Variants in DYNC1I1 observed in about 807,000 individuals in gnomAD.
The protein encoded by DYNC1I1 is cytoplasmic dynein 1 intermediate chain 1.
Under a neutral mutation model 86.6 loss-of-function variants are expected in DYNC1I1, and 43 were observed. That is an observed-to-expected ratio of 0.50 (90% CI 0.39 to 0.64). The LOEUF (loss-of-function observed/expected upper bound fraction) is 0.64, where lower values mean the gene tolerates loss of function less well. Among genes scored for constraint, DYNC1I1 ranks in the 30% least tolerant of loss-of-function variants. The pLI, the probability that DYNC1I1 is intolerant of heterozygous loss-of-function variation, is 0.00. For synonymous variants in DYNC1I1, 262 were observed against 283.7 expected, an observed-to-expected ratio of 0.92 and a Z score of 0.77; for missense variants, 604 against 788.8, an observed-to-expected ratio of 0.77 and a Z score of 2.81.
At chr7:95,900,221 T>C (rs75771231) in intron 6 of DYNC1I1, among the ~76,000 whole-genome samples, 15,638 of 152,184 alleles carry the variant, frequency 0.1, 1,379 homozygotes, top group African/African-American at 0.24. Context: ...CCTAGCTGTA[T>C]TCTCTTCAAA....
At chr7:96,061,126 A>G (rs1314748900) in intron 14 of DYNC1I1, among the ~76,000 whole-genome samples, 1 of 152,186 alleles carries the variant, frequency 6.6e-6, no homozygotes, top group Non-Finnish European at 1.5e-5. Context: ...GGAGACCAGA[A>G]TGCGTTCAGT....
intron 14 of DYNC1I1, among the ~76,000 whole-genome samples, chr7:96,059,884 A>G (rs1317903241): frequency 6.6e-6 from 1 of 152,184 alleles, no homozygotes; most frequent in Non-Finnish European, 1.5e-5. Flanking sequence ...GAGCTTGAAA[A>G]GCTAATCAGT....
At chr7:96,034,602 G>A (rs763737659) in intron 12 of DYNC1I1, among the ~76,000 whole-genome samples, 15 of 152,174 alleles carry the variant, frequency 9.9e-5, no homozygotes, top group Admixed American at 5.2e-4. Flanking sequence ...TAGTGATGAA[G>A]CAGATCATTG....
At chr7:96,035,969 C>T (rs1414877894) in intron 13 of DYNC1I1, among the ~76,000 whole-genome samples, 2 of 151,976 alleles carry the variant, frequency 1.3e-5, no homozygotes, top group South Asian at 2.1e-4. Flanking sequence ...GAAAAAAGCT[C>T]GAGCTTCTGA....
At chr7:96,068,506 G>T (rs1022774282) in intron 14 of DYNC1I1, among the ~76,000 whole-genome samples, 1 of 151,756 alleles carries the variant, frequency 6.6e-6, no homozygotes, top group African/African-American at 2.4e-5. Flanking sequence ...AATTGTTGAC[G>T]CAAGAGGTAG....
chr7:95,996,236 G>A (rs1793864733), intron 10 of DYNC1I1, among the ~76,000 whole-genome samples, 163 bp downstream of exon 10: 1 of 152,194 alleles, frequency 6.6e-6, no homozygotes. Flanking sequence ...TTTTGGGAAA[G>A]TGGCAACCCT....
At chr7:95,942,662 A>T (rs1358421671) in intron 6 of DYNC1I1, among the ~76,000 whole-genome samples, 2 of 151,122 alleles carry the variant, frequency 1.3e-5, no homozygotes, top group South Asian at 2.1e-4. Context: ...CACATCAAAA[A>T]GCTTATCCAC....
intron 10 of DYNC1I1, among the ~76,000 whole-genome samples, chr7:96,024,540 G>T (rs1314237728): frequency 2.6e-5 from 4 of 152,032 alleles, no homozygotes; most frequent in African/African-American, 9.7e-5. Context: ...AACAAGGCAA[G>T]GAAACTTTTT....
At chr7:95,958,889 G>A (rs565931264) in intron 6 of DYNC1I1, among the ~76,000 whole-genome samples, 3 of 152,146 alleles carry the variant, frequency 2.0e-5, no homozygotes, top group South Asian at 2.1e-4. Flanking sequence ...AATAAAACAC[G>A]ATTATGGCCC....
At chr7:95,830,415 A>G (rs1795295500) in intron 5 of DYNC1I1, among the ~76,000 whole-genome samples, 1 of 152,018 alleles carries the variant, frequency 6.6e-6, no homozygotes, top group Non-Finnish European at 1.5e-5. Flanking sequence ...GCTTTCTATC[A>G]CTATACCTTA....
intron 6 of DYNC1I1, among the ~76,000 whole-genome samples, chr7:95,917,542 T>G (rs895654413): frequency 2.8e-4 from 43 of 152,146 alleles, no homozygotes; most frequent in African/African-American, 1.0e-3. Flanking sequence ...ACCACTTATA[T>G]AGGTATATTT....
chr7:95,992,586 C>T lies in DYNC1I1; in HGVS notation c.844-3362C>T, dbSNP rs151317082. The stretch of plus-strand genomic sequence containing the variant: ...ATCAGTGTCTGGTTCATAACGGGCA[C>T]TTAAAACATGATGGTTCCTTCCTCT... On this transcript the variant is annotated intron_variant, in intron 9 of 16. Coordinates refer to ENST00000447467, the MANE Select transcript of DYNC1I1 (RefSeq NM_001135556.2). Among the ~76,000 whole-genome samples the T allele has an allele frequency of 3.4e-3, 513 of 152,132 alleles. 9 individuals carry two copies. Among genetic ancestry groups the T allele is most frequent in the Admixed American group, 0.026 (403 of 15,284 alleles).
intron 2 of DYNC1I1, among the ~76,000 whole-genome samples, chr7:95,808,329 A>G (rs1008879219): frequency 7.9e-5 from 12 of 152,030 alleles, no homozygotes; most frequent in African/African-American, 2.9e-4. Context: ...TTTTTTTGCC[A>G]TGAATATAAA....
chr7:96,023,368 G>A (rs573640324), intron 10 of DYNC1I1, among the ~76,000 whole-genome samples: 1 of 152,200 alleles, frequency 6.6e-6, no homozygotes, highest in Non-Finnish European at 1.5e-5. Context: ...GCCACGCACG[G>A]AAGGTCACAG....
chr7:95,961,693 G>A (rs1044360696), intron 6 of DYNC1I1, among the ~76,000 whole-genome samples: 2 of 152,204 alleles, frequency 1.3e-5, no homozygotes, highest in Non-Finnish European at 2.9e-5. Flanking sequence ...TAGAAAACAC[G>A]AATCTGGTTC....
chr7:96,069,092 C>T (rs961278251), intron 14 of DYNC1I1, among the ~76,000 whole-genome samples: 22 of 152,148 alleles, frequency 1.4e-4, no homozygotes, highest in African/African-American at 4.8e-4. Flanking sequence ...TCCCTGTACA[C>T]CCTCCTAATC....
chr7:95,943,317 G>A (rs1254926591), intron 6 of DYNC1I1, among the ~76,000 whole-genome samples: 1 of 151,146 alleles, frequency 6.6e-6, no homozygotes, highest in Non-Finnish European at 1.5e-5. Context: ...AACTTACAAG[G>A]GACATGAAGG....
At chr7:95,831,896 C>G (rs1014929737) in intron 5 of DYNC1I1, among the ~76,000 whole-genome samples, 1 of 151,912 alleles carries the variant, frequency 6.6e-6, no homozygotes, top group African/African-American at 2.4e-5. Context: ...GATATTAACC[C>G]CTTATCAGTA....
At chr7:95,992,059 C>G (rs1042596624) in intron 9 of DYNC1I1, among the ~76,000 whole-genome samples, 1 of 152,054 alleles carries the variant, frequency 6.6e-6, no homozygotes, top group Non-Finnish European at 1.5e-5. Flanking sequence ...GGGGTTTCAC[C>G]GTGTTAGCCA....
Sources: gnomAD v4.1 joint callset for allele counts (sites outside exome capture counted in the v4.1 genomes callset) on GRCh38, gnomAD v4.1.1 for gene constraint, MANE v1.5 for transcripts, NCBI Gene and HGNC (gene_info 2026-07-23, HGNC 2026-07-21) for gene names.